SLCO1B1: variants seen among roughly 807,000 people sequenced by gnomAD.
SLCO1B1 encodes OATP-2.
Under a neutral mutation model 70.1 loss-of-function variants are expected in SLCO1B1, and 81 were observed. The ratio of observed to expected loss-of-function variants is 1.16; its 90% CI spans 0.97 to 1.39. The LOEUF (loss-of-function observed/expected upper bound fraction) is 1.39, where lower values mean the gene tolerates loss of function less well. Among genes scored for constraint, SLCO1B1 ranks in the 40% most tolerant of loss-of-function variants. The probability of loss-of-function intolerance (pLI) is 0.00; values close to 1 mark genes in which losing one functional copy is unlikely to be tolerated. For missense variants in SLCO1B1, 895 were observed against 799.6 expected (o/e 1.12, Z -1.44); for synonymous variants, 283 against 271.5 (o/e 1.04, Z -0.42).
chr12:21,193,153 A>T lies in SLCO1B1; in HGVS notation c.728-3793A>T, dbSNP rs546866453. The stretch of plus-strand genomic sequence containing the variant: ...TAGAAAATATTCCATTTCTATTTGA[A>T]AAGAATATACATTCTGTTTTTATTG... On this transcript the variant is annotated intron_variant, in intron 7 of 14. Transcript: ENST00000256958. Among the ~76,000 whole-genome samples, 405 of 152,278 alleles carry T rather than the reference A, an allele frequency of 2.7e-3. 6 individuals are homozygous for T. Among genetic ancestry groups the T allele is most frequent in the African/African-American group, 9.3e-3 (388 of 41,582 alleles).
chr12:21,217,952 C>T (rs1338035468), intron 12 of SLCO1B1, among the ~76,000 whole-genome samples: 1 of 152,060 alleles, frequency 6.6e-6, no homozygotes, highest in East Asian at 1.9e-4. Context: ...AATCAAAGCA[C>T]ATATTTATAA....
chr12:21,232,565 A>T (rs1031869601), intron 14 of SLCO1B1, among the ~76,000 whole-genome samples: 1 of 152,182 alleles, frequency 6.6e-6, no homozygotes, highest in African/African-American at 2.4e-5. Context: ...ATTCTTTCCT[A>T]TGACACCCCT....
chr12:21,210,092 T>C (rs1460366173), intron 11 of SLCO1B1, among the ~76,000 whole-genome samples: 2 of 147,414 alleles, frequency 1.4e-5, no homozygotes, highest in African/African-American at 2.5e-5. Context: ...TTTTGTCTTT[T>C]GTTGCCATTG....
chr12:21,206,122 C>A, intron 11 of SLCO1B1, 89 bp downstream of exon 11: 1 of 1,085,166 alleles, frequency 9.2e-7, no homozygotes, highest in Non-Finnish European at 1.4e-6. Flanking sequence ...TAACTAAGGA[C>A]TCCATTAAAA....
rs927444608 is a variant in SLCO1B1, at chr12:21,171,124, G to A, written c.85-1526G>A. Among the ~76,000 whole-genome samples, 77 of 152,336 alleles carry A rather than the reference G, an allele frequency of 5.1e-4. 1 individual carries two copies. The highest frequency in any genetic ancestry group is 1.8e-3 in the African/African-American group (75 of 41,572). Reference sequence around the variant, plus strand: ...GCAGAAAGGGGTGCAATTTTAAAGAGATTGATCAAGGAAAACCTCACTGTG... The same window carrying A: ...GCAGAAAGGGGTGCAATTTTAAAGAAATTGATCAAGGAAAACCTCACTGTG... On this transcript the variant is annotated intron_variant, in intron 2 of 14. Coordinates refer to ENST00000256958, the MANE Select transcript of SLCO1B1 (RefSeq NM_006446.5).
chr12:21,220,036 C>T (rs1319560353), intron 12 of SLCO1B1, among the ~76,000 whole-genome samples: 1 of 152,182 alleles, frequency 6.6e-6, no homozygotes, highest in African/African-American at 2.4e-5. Flanking sequence ...GCTGGGATTA[C>T]AGGCCTGAGC....
chr12:21,142,395 A>G (rs1375355164), intron 2 of SLCO1B1, among the ~76,000 whole-genome samples: 1 of 151,984 alleles, frequency 6.6e-6, no homozygotes, highest in African/African-American at 2.4e-5. Flanking sequence ...CTACATTGTG[A>G]ATTGAAAACC....
chr12:21,234,494 A>G (rs1307422990), intron 14 of SLCO1B1, among the ~76,000 whole-genome samples: 1 of 152,154 alleles, frequency 6.6e-6, no homozygotes, highest in African/African-American at 2.4e-5. Context: ...GTTTTGGGAA[A>G]GGACTGTTAC....
chr12:21,199,628 T>C (rs761852618), intron 8 of SLCO1B1, among the ~76,000 whole-genome samples: 2 of 152,114 alleles, frequency 1.3e-5, no homozygotes, highest in Non-Finnish European at 2.9e-5. Flanking sequence ...CTTTAAGAAT[T>C]TTGAACCTCA....
At chr12:21,210,340 T>C (rs1174795611) in intron 11 of SLCO1B1, among the ~76,000 whole-genome samples, 1 of 127,228 alleles carries the variant, frequency 7.9e-6, no homozygotes, top group South Asian at 2.6e-4. Context: ...TGCTTGTTTT[T>C]CTCAGGTTTG....
chr12:21,136,818 T>C (rs1379187755), intron 1 of SLCO1B1, among the ~76,000 whole-genome samples: 1 of 152,210 alleles, frequency 6.6e-6, no homozygotes, highest in Admixed American at 6.5e-5. Context: ...TCTGAAGCCT[T>C]CTTCTCTCAA....
intron 3 of SLCO1B1, 49 bp from the exon 4 acceptor site, chr12:21,174,528 A>G: frequency 6.3e-7 from 1 of 1,594,726 alleles, no homozygotes; most frequent in Non-Finnish European, 8.6e-7. Flanking sequence ...TCAATTCTAG[A>G]CGCAAAATTG....
chr12:21,133,256 T>A (rs1324722149), intron 1 of SLCO1B1, among the ~76,000 whole-genome samples: 2 of 152,198 alleles, frequency 1.3e-5, no homozygotes, highest in Admixed American at 1.3e-4. Flanking sequence ...TAGTTTGAAG[T>A]CAGGTAGGGT....
chr12:21,214,588 G>A (rs970700785), intron 11 of SLCO1B1, among the ~76,000 whole-genome samples: 63 of 146,142 alleles, frequency 4.3e-4, no homozygotes, highest in African/African-American at 1.2e-3. Context: ...GGTGGGCTCC[G>A]CCCACTTCGA....
intron 2 of SLCO1B1, among the ~76,000 whole-genome samples, chr12:21,153,151 G>A (rs1940496622): frequency 6.6e-6 from 1 of 152,154 alleles, no homozygotes. Flanking sequence ...CTCTTTTACA[G>A]ATCCAGAAAG....
At chr12:21,197,209 G>A (rs987307031) in intron 8 of SLCO1B1, 21 bp downstream of exon 8, 3 of 1,611,220 alleles carry the variant, frequency 1.9e-6, no homozygotes, top group South Asian at 1.1e-5. Context: ...AACATTCATT[G>A]TCAATTTGGA....
rs112040404 is a variant in SLCO1B1, at chr12:21,161,798, G to A, written c.85-10852G>A. 4.7e-3 allele frequency among the ~76,000 whole-genome samples: 721 copies of A among 152,064 alleles called. 9 individuals carry two copies. Among genetic ancestry groups the A allele is most frequent in the African/African-American group, 0.016 (676 of 41,478 alleles). ...CGAGGTGGGCGAATCACTTGAGGTC[G>A]GGGGTTTGAGATCAGCCTGGCCAAC... On this transcript the variant is annotated intron_variant, in intron 2 of 14. Transcript: ENST00000256958.
intron 2 of SLCO1B1, 142 bp from the exon 3 acceptor site, chr12:21,172,508 A>G (rs988718024): frequency 2.2e-6 from 2 of 899,814 alleles, no homozygotes; most frequent in African/African-American, 1.7e-5. Flanking sequence ...AGTACCTGGT[A>G]AAAGGGAAAA....
At chr12:21,215,907 G>A (rs1000246621) in intron 11 of SLCO1B1, among the ~76,000 whole-genome samples, 5 of 152,018 alleles carry the variant, frequency 3.3e-5, no homozygotes, top group Admixed American at 1.3e-4. Flanking sequence ...TAGTGTTCAG[G>A]GTTTCAATTA....
Sources: gnomAD v4.1 joint callset for allele counts (sites outside exome capture counted in the v4.1 genomes callset) on GRCh38, gnomAD v4.1.1 for gene constraint, MANE v1.5 for transcripts, NCBI Gene and HGNC (gene_info 2026-07-23, HGNC 2026-07-21) for gene names.